Variants in PACS2 observed in about 807,000 individuals in gnomAD.
PACS2 encodes PACS1-like protein.
Under a neutral mutation model 113.0 loss-of-function variants are expected in PACS2, and 36 were observed. The observed-to-expected ratio is 0.32, with a 90% CI of 0.24 to 0.42. PACS2 has a LOEUF of 0.42. Among genes scored for constraint, PACS2 ranks in the 10% least tolerant of loss-of-function variants. The probability of loss-of-function intolerance (pLI) is 1.00; values close to 1 mark genes in which losing one functional copy is unlikely to be tolerated. For synonymous variants in PACS2, 589 were observed against 536.1 expected, an observed-to-expected ratio of 1.10 and a Z score of -1.36; for missense variants, 1,015 against 1,239.5, an observed-to-expected ratio of 0.82 and a Z score of 2.72.
rs72711571 is a variant in PACS2 at position 105,340,454 on chromosome 14, G to A, written c.120-8039G>A. ...TGTGGAAGACAGTTTTTCCACAGAC[G>A]GTGATGGGAATGGTTTCCAGTGAAA... On this transcript the variant is annotated intron_variant, in intron 1 of 24. Coordinates refer to ENST00000447393, the MANE Select transcript of PACS2 (RefSeq NM_001100913.3). This position sits in a 1 kb window ranked among gnomAD's most constrained non-coding sequence, Gnocchi z 4.2. Among the ~76,000 whole-genome samples, 1,261 of 152,270 alleles carry A rather than the reference G, an allele frequency of 8.3e-3. 10 individuals carry two copies. Among genetic ancestry groups the A allele is most frequent in the Middle Eastern group, 0.027 (8 of 294 alleles).
chr14:105,378,726 T>A (rs1294978211), intron 9 of PACS2, among the ~76,000 whole-genome samples: 1 of 152,242 alleles, frequency 6.6e-6, no homozygotes, highest in Non-Finnish European at 1.5e-5. Flanking sequence ...TTTTTTTCAC[T>A]TGAAAGGTCT....
chr14:105,363,374 G>T (rs1363651777), intron 4 of PACS2, among the ~76,000 whole-genome samples: 1 of 152,206 alleles, frequency 6.6e-6, no homozygotes, highest in Non-Finnish European at 1.5e-5. Context: ...CCTTCGTCAA[G>T]ATCTGAACTA....
rs1252428905 is a variant in PACS2, at chr14:105,355,775, C to A, written c.423+598C>A. Among the ~76,000 whole-genome samples, 2 of 152,208 alleles carry A rather than the reference C, an allele frequency of 1.3e-5. No homozygotes were observed. Among genetic ancestry groups the A allele is most frequent in the Non-Finnish European group, 2.9e-5 (2 of 68,034 alleles). On this transcript the variant is annotated intron_variant, in intron 4 of 24. Coordinates refer to ENST00000447393, the MANE Select transcript of PACS2 (RefSeq NM_001100913.3). The surrounding 1 kb of genome is among the most constrained non-coding windows in gnomAD (Gnocchi z 4.1). The stretch of plus-strand genomic sequence containing the variant: ...CCTTGCTCCAGAGAACCCAGCGTTC[C>A]AAGGAGGCTGCAGTAGGGCGTGGGG...
chr14:105,390,277 C>T, intron 20 of PACS2: 1 of 503,230 alleles, frequency 2.0e-6, no homozygotes, highest in Non-Finnish European at 3.6e-6. Flanking sequence ...CTCAGAACAC[C>T]CAGGAGGCTT....
intron 1 of PACS2, among the ~76,000 whole-genome samples, chr14:105,327,021 C>T (rs923533506): frequency 5.3e-5 from 8 of 152,334 alleles, no homozygotes; most frequent in Middle Eastern, 3.4e-3. Context: ...GCACTCTTGG[C>T]TCGCCTGGCT....
intron 1 of PACS2, among the ~76,000 whole-genome samples, chr14:105,316,233 A>G (rs1052055994): frequency 6.6e-6 from 1 of 152,220 alleles, no homozygotes; most frequent in Non-Finnish European, 1.5e-5. Flanking sequence ...CCCAGTGTCC[A>G]TATGAGACCT....
chr14:105,392,314 C>T (rs781967863), intron 22 of PACS2: 29 of 439,950 alleles, frequency 6.6e-5, no homozygotes, highest in Middle Eastern at 1.2e-3. Context: ...TTCCAGGCTG[C>T]GCCTGAGGGA....
At chr14:105,394,169 C>A (rs971325797) in intron 24 of PACS2, 6 of 983,942 alleles carry the variant, frequency 6.1e-6, no homozygotes, top group Admixed American at 6.2e-5. Context: ...GGCCCTGTCT[C>A]CCCACAGGGG....
intron 8 of PACS2, among the ~76,000 whole-genome samples, chr14:105,375,500 A>AG (rs2061321504): frequency 6.6e-6 from 1 of 151,982 alleles, no homozygotes; most frequent in Non-Finnish European, 1.5e-5. Context: ...AAAAAAAAAA[A>AG]AAATAGGGAT....
chr14:105,333,470 G>A (rs2059383768), intron 1 of PACS2, among the ~76,000 whole-genome samples: 1 of 152,240 alleles, frequency 6.6e-6, no homozygotes, highest in African/African-American at 2.4e-5. Context: ...GTCCTGCTGG[G>A]GGCACAGTGT....
chr14:105,360,186 T>C (rs1359263174), intron 4 of PACS2, among the ~76,000 whole-genome samples: 1 of 152,236 alleles, frequency 6.6e-6, no homozygotes, highest in Non-Finnish European at 1.5e-5. Context: ...TACACTGTAC[T>C]GTAGTCTGTT....
chr14:105,377,350 G>C (rs1161660006), intron 9 of PACS2, among the ~76,000 whole-genome samples: 1 of 152,122 alleles, frequency 6.6e-6, no homozygotes, highest in Non-Finnish European at 1.5e-5. Flanking sequence ...GGCAGGTGGG[G>C]AGGGGGAGGG....
chr14:105,374,798 AATCACTAAGAGAAACACAC>A (rs1184834810), intron 8 of PACS2: 1 of 152,248 alleles, frequency 6.6e-6, no homozygotes, highest in Admixed American at 6.5e-5. Flanking sequence ...AGTCTTTGAG[AATCACTAAGAGAAACACAC>A]CTTGTGGTGA....
At chr14:105,350,037 TAGC>T (rs1328668021) in intron 2 of PACS2, among the ~76,000 whole-genome samples, 9 of 148,668 alleles carry the variant, frequency 6.1e-5, no homozygotes, top group Non-Finnish European at 1.2e-4. Flanking sequence ...GCGTGGCTAA[TAGC>T]AGGACCCCAA....
chr14:105,334,697 A>C (rs1384501207), intron 1 of PACS2, among the ~76,000 whole-genome samples: 1 of 152,322 alleles, frequency 6.6e-6, no homozygotes, highest in East Asian at 1.9e-4. Flanking sequence ...CCTGAGGGCC[A>C]GTGTGTGCTT....
chr14:105,389,810 C>T (rs587739399), intron 19 of PACS2, 151 bp from the exon 20 acceptor site: 29 of 725,080 alleles, frequency 4.0e-5, no homozygotes, highest in South Asian at 9.3e-5. Flanking sequence ...TGGGTGGGGC[C>T]GGGACACACA....
intron 22 of PACS2, 143 bp from the exon 23 acceptor site, chr14:105,392,476 C>T (rs1051542925): frequency 4.1e-5 from 28 of 677,356 alleles, no homozygotes; most frequent in South Asian, 3.2e-4. Context: ...CTCCACAGAG[C>T]ATGCTCCAAG....
At position 105,393,692 on chromosome 14, in the gene PACS2, C is replaced by T. The variant is rs587691040; in HGVS notation, c.2596+357C>T. 7.4e-5 allele frequency: 14 copies of T among 188,524 alleles called. No homozygotes were observed. In the East Asian group the frequency reaches 8.1e-4, roughly 11 times the overall value. The allele number at this position is 188,524 out of a possible 1,614,324, so 11.7% of individuals were successfully genotyped here. A position where few individuals can be genotyped will look rare whatever the true frequency, so the allele number is the denominator to read the frequency against. ...GCAACTTCCATCTCTCAGGTTCAAGCGATTCTCCTGCCTGAGCCTCCCAAG... is the reference window on the plus strand; with the variant it reads ...GCAACTTCCATCTCTCAGGTTCAAGTGATTCTCCTGCCTGAGCCTCCCAAG... On this transcript the variant is annotated intron_variant, in intron 24 of 24. Transcript: ENST00000447393.
intron 11 of PACS2, among the ~76,000 whole-genome samples, chr14:105,380,402 C>T (rs782417929): frequency 1.1e-3 from 163 of 149,016 alleles, no homozygotes; most frequent in Middle Eastern, 3.5e-3. Flanking sequence ...AGCTGGACTC[C>T]CCCCACCCGC....
Sources: allele counts gnomAD v4.1 joint callset (sites outside exome capture counted in the v4.1 genomes callset), GRCh38; gene constraint gnomAD v4.1.1; non-coding constraint Gnocchi (gnomAD v3.1); transcripts MANE v1.5; gene names NCBI Gene and HGNC (gene_info 2026-07-23, HGNC 2026-07-21).